SMYD3: variants seen among roughly 807,000 people sequenced by gnomAD.
SMYD3 encodes the protein SET and MYND domain containing 3, also known as histone-lysine N-methyltransferase SMYD3.
SMYD3 carries 36 observed loss-of-function variants against 57.7 expected under a neutral mutation model. The ratio of observed to expected loss-of-function variants is 0.62; its 90% confidence interval spans 0.48 to 0.82. SMYD3 has a LOEUF of 0.82. Among genes scored for constraint, SMYD3 ranks in the 40% least tolerant of loss-of-function variants. The pLI, the probability that SMYD3 is intolerant of heterozygous loss-of-function variation, is 0.00. For synonymous variants in SMYD3, 211 were observed against 195.0 expected (o/e 1.08, Z -0.68); for missense variants, 515 against 538.8 (o/e 0.96, Z 0.44).
chr1:246,485,898 G>A (rs1046720730), intron 1 of SMYD3, among the ~76,000 whole-genome samples: 3 of 152,166 alleles, frequency 2.0e-5, no homozygotes, highest in Non-Finnish European at 4.4e-5. Flanking sequence ...TTTCTTATCT[G>A]TAAAACAGGA....
intron 5 of SMYD3, among the ~76,000 whole-genome samples, chr1:246,128,865 C>T (rs553974091): frequency 2.6e-5 from 4 of 151,962 alleles, no homozygotes; most frequent in Non-Finnish European, 4.4e-5. Context: ...TGCAGTGGTG[C>T]GATCACAGCT....
At chr1:246,208,695 A>G (rs144761722) in intron 5 of SMYD3, among the ~76,000 whole-genome samples, 138 of 152,304 alleles carry the variant, frequency 9.1e-4, no homozygotes, top group African/African-American at 3.2e-3. Context: ...CGTGGACGGT[A>G]TAAAAATGCG....
At chr1:246,217,428 G>A (rs370137271) in intron 5 of SMYD3, among the ~76,000 whole-genome samples, 9 of 152,056 alleles carry the variant, frequency 5.9e-5, no homozygotes, top group East Asian at 1.9e-4. Flanking sequence ...AGGATCGCTC[G>A]AGCCCGGGAG....
In SMYD3 at chr1:246,355,377, G is replaced by C. The variant is rs1364962839; in HGVS notation, c.165-283C>G. ...TCGGACAGACAGAGCAGCGTGTGGG[G>C]ACTCACACTGTGAACTTTTGATCCA... On this transcript the variant is annotated intron_variant, in intron 1 of 11. Transcript: ENST00000490107. The surrounding 1 kb of genome is among the most constrained non-coding windows in gnomAD (Gnocchi z 5.0). The C allele has an allele frequency of 5.5e-6, 2 of 366,142 alleles. No homozygotes were observed. The highest frequency in any genetic ancestry group is 4.2e-5 in the African/African-American group (2 of 47,358). 22.7% of individuals were successfully genotyped at this position (366,142 alleles called of 1,614,324 possible).
chr1:246,150,358 G>A (rs1015785058), intron 5 of SMYD3, among the ~76,000 whole-genome samples: 7 of 151,988 alleles, frequency 4.6e-5, no homozygotes, highest in Admixed American at 2.6e-4. Flanking sequence ...ATTAGTACTC[G>A]GGTAACTGTG....
intron 1 of SMYD3, among the ~76,000 whole-genome samples, chr1:246,465,296 T>G (rs2067864615): frequency 6.6e-6 from 1 of 152,316 alleles, no homozygotes; most frequent in African/African-American, 2.4e-5. Flanking sequence ...TAATTCGGAT[T>G]CTCTTTCTAA....
intron 5 of SMYD3, among the ~76,000 whole-genome samples, chr1:245,940,224 A>G (rs1026066048): frequency 2.0e-5 from 3 of 152,194 alleles, no homozygotes; most frequent in Non-Finnish European, 4.4e-5. Flanking sequence ...TGAAGAGTCC[A>G]TGCAGTCTGG....
At chr1:246,164,624 T>C (rs1353966609) in intron 5 of SMYD3, among the ~76,000 whole-genome samples, 1 of 152,178 alleles carries the variant, frequency 6.6e-6, no homozygotes, top group African/African-American at 2.4e-5. Context: ...AAAGAGAAAC[T>C]TCCTGGTGCC....
chr1:246,040,695 A>G (rs893173568), intron 5 of SMYD3, among the ~76,000 whole-genome samples: 1 of 152,310 alleles, frequency 6.6e-6, no homozygotes, highest in African/African-American at 2.4e-5. Flanking sequence ...CTTTCATTTG[A>G]AAAGGTGCTG....
intron 10 of SMYD3, among the ~76,000 whole-genome samples, chr1:245,812,614 C>T (rs1015086441): frequency 1.3e-5 from 2 of 150,936 alleles, no homozygotes. Flanking sequence ...AGGAAACCAA[C>T]CCCTGGTCAG....
At chr1:246,489,448 C>T (rs11799533) in intron 1 of SMYD3, among the ~76,000 whole-genome samples, 1 of 151,914 alleles carries the variant, frequency 6.6e-6, no homozygotes, top group Non-Finnish European at 1.5e-5. Flanking sequence ...ATGAAGATCA[C>T]GAGGTAGCTA....
At position 246,441,745 on chromosome 1, in the gene SMYD3, G is replaced by A. The variant is rs568420901; in HGVS notation, c.164+65309C>T. Reference sequence around the variant, plus strand: ...TCCTGCCTCTGCCTCCCAAGTAGCCGAGACCACAGGCACATGCCAGCATGT... The same window carrying A: ...TCCTGCCTCTGCCTCCCAAGTAGCCAAGACCACAGGCACATGCCAGCATGT... On this transcript the variant is annotated intron_variant, in intron 1 of 11. Coordinates refer to ENST00000490107, the MANE Select transcript of SMYD3 (RefSeq NM_001167740.2). 9.9e-5 allele frequency among the ~76,000 whole-genome samples: 15 copies of A among 152,210 alleles called. No individual in the cohort carries two copies. The East Asian group carries it at 2.1e-3, about 22-fold the overall frequency.
intron 10 of SMYD3, among the ~76,000 whole-genome samples, chr1:245,831,082 T>C (rs1489172695): frequency 1.3e-5 from 2 of 152,162 alleles, no homozygotes; most frequent in Admixed American, 6.5e-5. Context: ...GTAAACAGCA[T>C]TTGGACTTCA....
At chr1:245,814,349 A>C (rs2048666666) in intron 10 of SMYD3, 1 of 984,268 alleles carries the variant, frequency 1.0e-6, no homozygotes, top group East Asian at 1.1e-4. Flanking sequence ...TACCTGAAGC[A>C]GCACCAGGAA....
intron 5 of SMYD3, among the ~76,000 whole-genome samples, chr1:245,995,415 G>A (rs144246462): frequency 6.6e-6 from 1 of 152,232 alleles, no homozygotes; most frequent in Non-Finnish European, 1.5e-5. Context: ...ATGGAGAACA[G>A]TAACAAATGC....
chr1:246,489,675 G>C (rs2068239868), intron 1 of SMYD3, among the ~76,000 whole-genome samples: 1 of 152,204 alleles, frequency 6.6e-6, no homozygotes. Context: ...TTCAGAGAGA[G>C]AGAGAGATGT....
chr1:245,891,238 A>G (rs2053367831), intron 8 of SMYD3, among the ~76,000 whole-genome samples: 1 of 152,266 alleles, frequency 6.6e-6, no homozygotes, highest in Admixed American at 6.5e-5. Flanking sequence ...TATTTGTACC[A>G]CAAAAGAAAT....
At chr1:246,342,004 C>A (rs568821740) in intron 2 of SMYD3, among the ~76,000 whole-genome samples, 33 of 152,270 alleles carry the variant, frequency 2.2e-4, no homozygotes, top group African/African-American at 7.2e-4. Flanking sequence ...TGATAAAATT[C>A]TGAGTCTGTA....
chr1:245,773,489 C>A (rs2046421012), intron 10 of SMYD3, among the ~76,000 whole-genome samples: 1 of 152,236 alleles, frequency 6.6e-6, no homozygotes, highest in African/African-American at 2.4e-5. Context: ...TGGCTGGCAG[C>A]AGGGAAACCT....
Sources: allele counts gnomAD v4.1 joint callset (sites outside exome capture counted in the v4.1 genomes callset), GRCh38; gene constraint gnomAD v4.1.1; non-coding constraint Gnocchi (gnomAD v3.1); transcripts MANE v1.5; gene names NCBI Gene and HGNC (gene_info 2026-07-23, HGNC 2026-07-21).